KCNH5: variants seen among roughly 807,000 people sequenced by gnomAD.
The protein encoded by KCNH5 is potassium voltage-gated channel subfamily H member 5.
A neutral mutation model predicts 96.1 loss-of-function variants in KCNH5; 46 were observed. The ratio of observed to expected loss-of-function variants is 0.48; its 90% confidence interval spans 0.38 to 0.61. KCNH5 has a LOEUF of 0.61. Ranked by LOEUF, KCNH5 falls within the 20% of genes least tolerant of loss-of-function variation. KCNH5 has a pLI of 0.00. For synonymous variants in KCNH5, 439 were observed against 449.8 expected (o/e 0.98, Z 0.30); for missense variants, 907 against 1,225.8 (o/e 0.74, Z 3.88).
chr14:62,829,724 C>T (rs977622916), intron 8 of KCNH5, among the ~76,000 whole-genome samples: 1 of 152,114 alleles, frequency 6.6e-6, no homozygotes, highest in African/African-American at 2.4e-5. Flanking sequence ...TGAAGATCTC[C>T]GAAATTCCCT....
chr14:62,807,022 T>C (rs916295488), intron 8 of KCNH5, among the ~76,000 whole-genome samples: 1 of 152,106 alleles, frequency 6.6e-6, no homozygotes, highest in Non-Finnish European at 1.5e-5. Flanking sequence ...CTGCCTGAAC[T>C]TTTCAGTGTC....
At chr14:62,738,747 G>A (rs968764528) in intron 10 of KCNH5, among the ~76,000 whole-genome samples, 1 of 152,122 alleles carries the variant, frequency 6.6e-6, no homozygotes, top group Non-Finnish European at 1.5e-5. Context: ...CTAATGGAGG[G>A]TGCAGTGATT....
chr14:63,027,825 G>A (rs1243834646), intron 1 of KCNH5, among the ~76,000 whole-genome samples: 2 of 151,948 alleles, frequency 1.3e-5, no homozygotes, highest in African/African-American at 2.4e-5. Context: ...AACAAATAGT[G>A]TTTTTCAAAC....
intron 8 of KCNH5, among the ~76,000 whole-genome samples, chr14:62,838,471 T>C (rs1887509480): frequency 6.6e-6 from 1 of 152,168 alleles, no homozygotes; most frequent in Non-Finnish European, 1.5e-5. Context: ...TGTTTTCAGA[T>C]GGTCTCTGCT....
chr14:62,844,352 C>T (rs1201068195), intron 8 of KCNH5, among the ~76,000 whole-genome samples: 1 of 152,068 alleles, frequency 6.6e-6, no homozygotes, highest in African/African-American at 2.4e-5. Context: ...CATTGTTTTA[C>T]AGGTCTTACA....
intron 7 of KCNH5, among the ~76,000 whole-genome samples, chr14:62,863,093 T>A (rs1174487954): frequency 6.6e-6 from 1 of 152,196 alleles, no homozygotes; most frequent in Non-Finnish European, 1.5e-5. Flanking sequence ...CCTAGCAACA[T>A]ACCACTGTTT....
chr14:63,044,852 C>T (rs911868061), intron 1 of KCNH5, among the ~76,000 whole-genome samples: 3 of 152,172 alleles, frequency 2.0e-5, no homozygotes, highest in South Asian at 2.1e-4. Context: ...CCTATCCAAC[C>T]CCTTTCTTTC....
intron 7 of KCNH5, among the ~76,000 whole-genome samples, chr14:62,886,121 GACACACACACACACACACACAC>G (rs58900799): frequency 2.0e-5 from 3 of 147,806 alleles, no homozygotes; most frequent in Non-Finnish European, 4.5e-5. Flanking sequence ...ACCTGCAGAG[GACACACACACACACACACACAC>G]ACACACACAC....
At chr14:63,033,607 G>C (rs531349441) in intron 1 of KCNH5, among the ~76,000 whole-genome samples, 1 of 152,284 alleles carries the variant, frequency 6.6e-6, no homozygotes, top group South Asian at 2.1e-4. Flanking sequence ...CAGACTCTGA[G>C]TTCCATGAGG....
In KCNH5 at chr14:62,802,256, T is replaced by TA. The variant is rs1886676738; in HGVS notation, c.1822+72dup. The stretch of plus-strand genomic sequence containing the variant: ...TTACCAAACAAAGGAAATTTCTCTT[T>TA]AAAAATGCGAAAAGCAAAATATCTA... On this transcript the variant is annotated intron_variant, in intron 9 of 10. Coordinates refer to ENST00000322893, the MANE Select transcript of KCNH5 (RefSeq NM_139318.5). The TA allele has an allele frequency of 2.4e-5, 36 of 1,509,784 alleles. No individual in the cohort carries two copies. The South Asian group carries it at 4.1e-4, about 17-fold the overall frequency. 93.5% of individuals were successfully genotyped at this position (1,509,784 alleles called of 1,614,324 possible).
At chr14:62,812,556 T>C (rs924846462) in intron 8 of KCNH5, among the ~76,000 whole-genome samples, 4 of 152,106 alleles carry the variant, frequency 2.6e-5, no homozygotes, top group Admixed American at 1.3e-4. Context: ...TGCACTATGG[T>C]ATCAATAATG....
chr14:62,934,426 G>A (rs1480632444), intron 7 of KCNH5, among the ~76,000 whole-genome samples: 1 of 152,154 alleles, frequency 6.6e-6, no homozygotes, highest in Non-Finnish European at 1.5e-5. Flanking sequence ...GCTGCCCATA[G>A]TACAGACAGT....
At position 63,011,098 on chromosome 14, in the gene KCNH5, T is replaced by C. The variant is rs1891216678; in HGVS notation, c.198-4626A>G. On this transcript the variant is annotated intron_variant, in intron 2 of 10. Coordinates refer to ENST00000322893, the MANE Select transcript of KCNH5 (RefSeq NM_139318.5). ...GCCACAACCATAGAATCATAAAGGT[T>C]AATGGGAGGTGGACTGAGATCTACA... Among the ~76,000 whole-genome samples the C allele has an allele frequency of 1.3e-5, 2 of 152,150 alleles. 1 individual carries two copies. Among genetic ancestry groups the C allele is most frequent in the African/African-American group, 4.8e-5 (2 of 41,422 alleles).
intron 7 of KCNH5, among the ~76,000 whole-genome samples, chr14:62,946,715 T>C (rs1225957703): frequency 6.6e-6 from 1 of 152,108 alleles, no homozygotes; most frequent in Non-Finnish European, 1.5e-5. Context: ...TAGTACATCC[T>C]AACCATGAAC....
At chr14:62,903,767 G>T (rs1888974687) in intron 7 of KCNH5, among the ~76,000 whole-genome samples, 1 of 152,156 alleles carries the variant, frequency 6.6e-6, no homozygotes, top group Admixed American at 6.5e-5. Context: ...GAAAAATAAT[G>T]AATAGATATA....
intron 8 of KCNH5, among the ~76,000 whole-genome samples, chr14:62,834,773 T>A (rs974454500): frequency 2.0e-5 from 3 of 152,012 alleles, no homozygotes; most frequent in Non-Finnish European, 4.4e-5. Flanking sequence ...TTTAATGGTA[T>A]GTGAGAAAAA....
intron 7 of KCNH5, among the ~76,000 whole-genome samples, chr14:62,891,763 C>T (rs531512218): frequency 8.5e-5 from 13 of 152,074 alleles, no homozygotes; most frequent in Non-Finnish European, 1.8e-4. Flanking sequence ...GTAATTCTCA[C>T]AATATTTCAA....
chr14:62,980,467 A>G (rs1890584662), intron 6 of KCNH5, among the ~76,000 whole-genome samples: 1 of 152,182 alleles, frequency 6.6e-6, no homozygotes, highest in Non-Finnish European at 1.5e-5. Flanking sequence ...TTCAAAGAAA[A>G]TACATCTATT....
chr14:62,742,701 C>A (rs1885296421), intron 10 of KCNH5, among the ~76,000 whole-genome samples: 2 of 152,206 alleles, frequency 1.3e-5, no homozygotes. Context: ...AAATTCCAGG[C>A]AAAGTGATTA....
Sources: gnomAD v4.1 joint callset for allele counts (sites outside exome capture counted in the v4.1 genomes callset) on GRCh38, gnomAD v4.1.1 for gene constraint, MANE v1.5 for transcripts, NCBI Gene and HGNC (gene_info 2026-07-23, HGNC 2026-07-21) for gene names.